Variants in ERC2 observed in about 807,000 individuals in gnomAD.
ERC2 encodes ELKS/RAB6-interacting/CAST family member 2, also known as ERC protein 2.
A neutral mutation model predicts 114.8 loss-of-function variants in ERC2; 42 were observed. The observed-to-expected ratio is 0.37, with a 90% CI of 0.29 to 0.47. The LOEUF (loss-of-function observed/expected upper bound fraction) is 0.47. ERC2 is among the 20% of genes least tolerant of loss of function. ERC2 has a pLI of 0.99. For missense variants in ERC2, 939 were observed against 1,150.7 expected, an observed-to-expected ratio of 0.82 and a Z score of 2.66; for synonymous variants, 454 against 425.5, an observed-to-expected ratio of 1.07 and a Z score of -0.82.
chr3:56,195,683 T>G (rs2048058700), intron 3 of ERC2, among the ~76,000 whole-genome samples: 1 of 151,768 alleles, frequency 6.6e-6, no homozygotes, highest in African/African-American at 2.4e-5. Flanking sequence ...ACAAAAATTA[T>G]CTGGGCATGG....
chr3:55,936,238 A>G (rs1248659987), intron 13 of ERC2, among the ~76,000 whole-genome samples: 1 of 152,148 alleles, frequency 6.6e-6, no homozygotes, highest in African/African-American at 2.4e-5. Context: ...AGCCACTACC[A>G]ATCCTCAGAG....
chr3:55,544,449 G>C (rs748286337), intron 17 of ERC2, among the ~76,000 whole-genome samples: 11 of 152,076 alleles, frequency 7.2e-5, no homozygotes, highest in Non-Finnish European at 1.5e-4. Flanking sequence ...TGGCTGGAAA[G>C]AGGCCAAATC....
intron 6 of ERC2, among the ~76,000 whole-genome samples, chr3:56,087,843 C>A (rs78051723): frequency 8.3e-4 from 126 of 152,244 alleles, no homozygotes; most frequent in African/African-American, 2.8e-3. Context: ...TTGATTCAAC[C>A]TGCAATCATT....
chr3:55,721,027 G>A (rs1313613544), intron 15 of ERC2, among the ~76,000 whole-genome samples: 5 of 152,212 alleles, frequency 3.3e-5, no homozygotes, highest in African/African-American at 1.2e-4. Context: ...AGTGAGTGGA[G>A]GTGAGTCAAT....
At chr3:56,034,623 T>C (rs548361554) in intron 7 of ERC2, among the ~76,000 whole-genome samples, 8 of 152,296 alleles carry the variant, frequency 5.3e-5, no homozygotes, top group African/African-American at 1.9e-4. Context: ...ATTGAAATCA[T>C]ATCAAGTATC....
At chr3:56,306,441 G>A (rs932270866) in intron 2 of ERC2, among the ~76,000 whole-genome samples, 2 of 152,190 alleles carry the variant, frequency 1.3e-5, no homozygotes, top group African/African-American at 4.8e-5. Context: ...ACAAATGACA[G>A]CTACATGCAG....
At chr3:56,073,758 T>G (rs896847966) in intron 7 of ERC2, among the ~76,000 whole-genome samples, 2 of 152,128 alleles carry the variant, frequency 1.3e-5, no homozygotes, top group African/African-American at 4.8e-5. Flanking sequence ...TCTCAAATCA[T>G]CTTTTGAGGT....
At chr3:55,949,382 A>G (rs544975443) in intron 13 of ERC2, among the ~76,000 whole-genome samples, 1 of 152,030 alleles carries the variant, frequency 6.6e-6, no homozygotes, top group Admixed American at 6.5e-5. Context: ...AAAGAAAAAA[A>G]AAAGTTTTGG....
chr3:55,752,879 T>C (rs972145272), intron 14 of ERC2, among the ~76,000 whole-genome samples: 2 of 152,196 alleles, frequency 1.3e-5, no homozygotes, highest in African/African-American at 2.4e-5. Context: ...AAGTGAGAAG[T>C]TGGCTGAATT....
At chr3:56,395,004 T>G (rs74499226) in intron 2 of ERC2, among the ~76,000 whole-genome samples, 5,352 of 151,726 alleles carry the variant, frequency 0.035, 109 homozygotes, top group South Asian at 0.069. Flanking sequence ...AACAGATACA[T>G]GCTCTAACAT....
intron 2 of ERC2, 105 bp from the exon 3 acceptor site, chr3:56,296,540 T>C (rs1186095490): frequency 5.5e-6 from 7 of 1,262,022 alleles, no homozygotes; most frequent in African/African-American, 3.0e-5. Context: ...GGAATGTTAA[T>C]CATGAGGTCC....
At chr3:56,226,334 T>C (rs958518957) in intron 3 of ERC2, among the ~76,000 whole-genome samples, 1 of 152,138 alleles carries the variant, frequency 6.6e-6, no homozygotes, top group African/African-American at 2.4e-5. Context: ...CCTAGCACCA[T>C]GCCTAGTGGT....
intron 9 of ERC2, among the ~76,000 whole-genome samples, chr3:56,009,981 A>G (rs1250575586): frequency 1.3e-5 from 2 of 152,220 alleles, no homozygotes; most frequent in Non-Finnish European, 2.9e-5. Context: ...GGGGTCCAGC[A>G]TGGTACCACA....
intron 8 of ERC2, among the ~76,000 whole-genome samples, chr3:56,010,969 GC>G (rs1254320740): frequency 3.3e-5 from 5 of 152,202 alleles, no homozygotes; most frequent in Admixed American, 3.3e-4. Context: ...AGTAGAACAT[GC>G]CTCTTGGCTC....
intron 13 of ERC2, among the ~76,000 whole-genome samples, chr3:55,934,884 G>A (rs1376693032): frequency 2.0e-5 from 3 of 152,126 alleles, no homozygotes; most frequent in African/African-American, 7.2e-5. Flanking sequence ...TTAAAAATTA[G>A]CTTGCTTCAT....
rs1398241177 is a variant in ERC2, at chr3:55,798,324, G to A, written c.2565-63406C>T. On this transcript the variant is annotated intron_variant, in intron 14 of 17. Coordinates refer to ENST00000288221, the MANE Select transcript of ERC2 (RefSeq NM_015576.3). Reference sequence around the variant, plus strand: ...AATCACAGAGGGGCTGGGTGCAGTGGCTCATGCCTGTAATCCCAGCACCCA... The same window carrying A: ...AATCACAGAGGGGCTGGGTGCAGTGACTCATGCCTGTAATCCCAGCACCCA... Among the ~76,000 whole-genome samples the A allele has an allele frequency of 2.0e-5, 3 of 152,174 alleles. No homozygotes were observed. The South Asian group carries it at 6.2e-4, about 32-fold the overall frequency.
intron 7 of ERC2, among the ~76,000 whole-genome samples, chr3:56,054,979 G>A (rs1452915654): frequency 6.6e-6 from 1 of 152,192 alleles, no homozygotes; most frequent in African/African-American, 2.4e-5. Flanking sequence ...ATGGCAGTGC[G>A]ATGTAATTCA....
In ERC2 at chr3:55,974,678, C is replaced by T. The variant is rs1489508263; in HGVS notation, c.2267+11299G>A. 1.3e-4 allele frequency among the ~76,000 whole-genome samples: 20 copies of T among 152,142 alleles called. 1 individual carries two copies. The highest frequency in any genetic ancestry group is 2.7e-4 in the African/African-American group (11 of 41,440). ...TCTCTGCCGTCCACGATCCTTGAAG[C>T]GCATCCAGAGCTGACTGTCTCCAGT... is the stretch of plus-strand genomic sequence containing the variant. On this transcript the variant is annotated intron_variant, in intron 12 of 17. Coordinates refer to ENST00000288221, the MANE Select transcript of ERC2 (RefSeq NM_015576.3).
chr3:56,280,329 C>T (rs2054265311), intron 3 of ERC2, among the ~76,000 whole-genome samples: 1 of 152,132 alleles, frequency 6.6e-6, no homozygotes, highest in Non-Finnish European at 1.5e-5. Flanking sequence ...CAGGACTGTA[C>T]AAGAATCATG....
Sources: allele counts gnomAD v4.1 joint callset (sites outside exome capture counted in the v4.1 genomes callset), GRCh38; gene constraint gnomAD v4.1.1; transcripts MANE v1.5; gene names NCBI Gene and HGNC (gene_info 2026-07-23, HGNC 2026-07-21).